TSPAN15: variants seen among roughly 807,000 people sequenced by gnomAD.
TSPAN15 encodes tetraspanin 15.
TSPAN15 carries 20 observed loss-of-function variants against 34.5 expected under a neutral mutation model. The ratio of observed to expected loss-of-function variants is 0.58; its 90% CI spans 0.41 to 0.84. The LOEUF (loss-of-function observed/expected upper bound fraction) is 0.84. Ranked by LOEUF, TSPAN15 falls within the 40% of genes least tolerant of loss-of-function variation. The pLI, the probability that TSPAN15 is intolerant of heterozygous loss-of-function variation, is 0.00. For synonymous variants in TSPAN15, 155 were observed against 153.9 expected (o/e 1.01, Z -0.05); for missense variants, 313 against 386.1 (o/e 0.81, Z 1.59).
chr10:69,535,278 C>A, the TSPAN15 span, among the ~76,000 whole-genome samples: 1 of 152,182 alleles, frequency 6.6e-6, no homozygotes, highest in African/African-American at 2.4e-5. Flanking sequence ...TCTTAAGCCA[C>A]AAAGGTTATG....
chr10:69,537,964 T>C, the TSPAN15 span, among the ~76,000 whole-genome samples: 369 of 152,340 alleles, frequency 2.4e-3, no homozygotes, highest in Admixed American at 4.3e-3. Context: ...GATCAAGACC[T>C]GCACGGTTGA....
chr10:69,506,267 G>T lies in TSPAN15; in HGVS notation c.735+27G>T. The T allele has an allele frequency of 6.2e-7, 1 of 1,601,510 alleles. No homozygotes were observed. The highest frequency in any genetic ancestry group is 8.6e-7 in the Non-Finnish European group (1 of 1,168,742). On this transcript the variant is annotated intron_variant, in intron 7 of 7. Coordinates refer to ENST00000373290, the MANE Select transcript of TSPAN15 (RefSeq NM_012339.5). The surrounding 1 kb of genome is among the most constrained non-coding windows in gnomAD (Gnocchi z 4.7). ...TGGGCAGGCCGTGGGTTCAGAGAAA[G>T]TGTGACTTGGTGATTGCAGAAGGGC...
At chr10:69,507,828 G>A (rs1842368508), downstream of TSPAN15, among the ~76,000 whole-genome samples, 1 of 151,502 alleles carries the variant, frequency 6.6e-6, no homozygotes, top group South Asian at 2.1e-4. Context: ...AAAGCCTCAG[G>A]GCCAGAGGTG....
chr10:69,511,492 G>A (rs1003922914), downstream of TSPAN15, among the ~76,000 whole-genome samples: 4 of 151,662 alleles, frequency 2.6e-5, no homozygotes, highest in African/African-American at 9.7e-5. Flanking sequence ...TCTTGCTAGC[G>A]GTCTATTTTG....
At chr10:69,543,657 A>G in the TSPAN15 span, among the ~76,000 whole-genome samples, 1 of 152,050 alleles carries the variant, frequency 6.6e-6, no homozygotes, top group Non-Finnish European at 1.5e-5. Flanking sequence ...ATAGCTTCAC[A>G]GCGCTGGGCC....
chr10:69,453,736 C>A (rs183511375), intron 1 of TSPAN15, among the ~76,000 whole-genome samples: 11 of 152,324 alleles, frequency 7.2e-5, no homozygotes, highest in Admixed American at 3.3e-4. Context: ...ATTTTTAAGG[C>A]TTTGTTCTGT....
chr10:69,534,831 A>G, the TSPAN15 span, among the ~76,000 whole-genome samples: 1 of 151,338 alleles, frequency 6.6e-6, no homozygotes, highest in African/African-American at 2.4e-5. Flanking sequence ...AAAAAAAAAA[A>G]AAAAAAGCAG....
the TSPAN15 span, among the ~76,000 whole-genome samples, chr10:69,535,978 T>C: frequency 6.6e-6 from 1 of 152,164 alleles, no homozygotes; most frequent in Non-Finnish European, 1.5e-5. Context: ...AGTTCAGAAA[T>C]GGCAGGGATG....
At chr10:69,484,314 G>A (rs73275764) in intron 2 of TSPAN15, among the ~76,000 whole-genome samples, 5,084 of 152,260 alleles carry the variant, frequency 0.033, 276 homozygotes, top group African/African-American at 0.12. Context: ...CACTGCCGGC[G>A]TCAGGCCAAC....
chr10:69,542,716 T>C, the TSPAN15 span, among the ~76,000 whole-genome samples: 1 of 152,174 alleles, frequency 6.6e-6, no homozygotes, highest in Non-Finnish European at 1.5e-5. Flanking sequence ...GAGAATTCAC[T>C]CACTATCACG....
the TSPAN15 span, among the ~76,000 whole-genome samples, chr10:69,527,595 CA>C: frequency 6.4e-4 from 88 of 136,710 alleles, 4 homozygotes; most frequent in South Asian, 0.011. Flanking sequence ...AATTCCATCT[CA>C]AAAAAAAAAA....
rs563461402 is a variant in TSPAN15, at chr10:69,477,227, C to T, written c.97-6464C>T. Among the ~76,000 whole-genome samples the T allele has an allele frequency of 9.2e-5, 14 of 152,156 alleles. No homozygotes were observed. In the South Asian group the frequency reaches 2.3e-3, roughly 25 times the overall value. On this transcript the variant is annotated intron_variant, in intron 1 of 7. Transcript: ENST00000373290. Reference sequence around the variant, plus strand: ...TTGGCTCACTGCAACCTCCGCCTCCCGGGTTCAAGTGATTCTCCTGCCTCA... The same window carrying T: ...TTGGCTCACTGCAACCTCCGCCTCCTGGGTTCAAGTGATTCTCCTGCCTCA...
intron 1 of TSPAN15, among the ~76,000 whole-genome samples, chr10:69,482,396 G>C (rs575232744): frequency 6.6e-6 from 1 of 152,344 alleles, no homozygotes; most frequent in East Asian, 1.9e-4. Flanking sequence ...AGGGTGTTCT[G>C]TGACAGCATG....
Position 69,495,600 on chromosome 10 carries a change from G to T in TSPAN15, c.364G>T (p.Asp122Tyr). ...VALTFRNQTI[D>Y]FLNDNIRRGI... Reference sequence around the variant, plus strand: ...AATTTCTCCTTTTGAATAGACCATTGACTTCCTGAACGACAACATTCGAAG... The same window carrying T: ...AATTTCTCCTTTTGAATAGACCATTTACTTCCTGAACGACAACATTCGAAG... Residue 122 changes from aspartate (D) to tyrosine (Y), a missense_variant, in exon 4 of 8, where the codon GAC becomes TAC. Asp to Tyr is a radical substitution (Grantham distance 160). Transcript: ENST00000373290. 6.2e-7 allele frequency: 1 copy of T among 1,611,986 alleles called. No individual in the cohort carries two copies. Among genetic ancestry groups the T allele is most frequent in the South Asian group, 1.1e-5 (1 of 91,000 alleles).
the TSPAN15 span, among the ~76,000 whole-genome samples, chr10:69,536,891 T>C: frequency 0.2 from 29,463 of 150,748 alleles, 3,119 homozygotes; most frequent in East Asian, 0.3. Flanking sequence ...GGCTGAGGCA[T>C]GAGAATCACT....
At chr10:69,519,266 A>T in the TSPAN15 span, among the ~76,000 whole-genome samples, 4 of 152,078 alleles carry the variant, frequency 2.6e-5, no homozygotes, top group African/African-American at 7.2e-5. Context: ...ATAATAATAA[A>T]AAAACTATCT....
chr10:69,502,437 A>T (rs1842230325), intron 5 of TSPAN15, among the ~76,000 whole-genome samples: 1 of 152,080 alleles, frequency 6.6e-6, no homozygotes, highest in Non-Finnish European at 1.5e-5. Context: ...CCCTGTCCCC[A>T]TTAGCTGCTC....
downstream of TSPAN15, among the ~76,000 whole-genome samples, chr10:69,510,144 C>T (rs1435295941): frequency 2.6e-5 from 4 of 152,200 alleles, no homozygotes; most frequent in Non-Finnish European, 4.4e-5. Context: ...ATGGGGATAG[C>T]GTTGAATCTA....
intron 1 of TSPAN15, among the ~76,000 whole-genome samples, chr10:69,461,108 C>T (rs542899933): frequency 7.2e-5 from 11 of 152,246 alleles, no homozygotes; most frequent in Middle Eastern, 3.4e-3. Flanking sequence ...TGGGAGGAGA[C>T]GCCGTCTGCC....
Sources: gnomAD v4.1 joint callset for allele counts (sites outside exome capture counted in the v4.1 genomes callset) on GRCh38, gnomAD v4.1.1 for gene constraint, Gnocchi (gnomAD v3.1) non-coding constraint, MANE v1.5 for transcripts, NCBI Gene and HGNC (gene_info 2026-07-23, HGNC 2026-07-21) for gene names.